Variants in ITGA2B observed in about 807,000 individuals in gnomAD.
ITGA2B encodes integrin subunit alpha 2b, also known as integrin alpha-IIb.
ITGA2B carries 91 observed loss-of-function variants against 142.0 expected under a neutral mutation model. That is an observed-to-expected ratio of 0.64 (90% CI 0.54 to 0.76). ITGA2B has a LOEUF of 0.76. ITGA2B is among the 30% of genes least tolerant of loss of function. The pLI, the probability that ITGA2B is intolerant of heterozygous loss-of-function variation, is 0.00. For missense variants in ITGA2B, 1,231 were observed against 1,350.8 expected (o/e 0.91, Z 1.39); for synonymous variants, 536 against 567.2 (o/e 0.94, Z 0.78).
At position 44,375,048 on chromosome 17, in the gene ITGA2B, GCTGC is replaced by G. The variant is rs1041303475; in HGVS notation, c.2787_2790del (p.Gln930GlyfsTer?). Reference sequence around the variant, plus strand: ...AAGGCCAGCACCGTGACCATGGCCCGCTGCCCGCGCGCCATCTCCTGCAGGTCAC... The same window carrying G: ...AAGGCCAGCACCGTGACCATGGCCCGCCGCGCGCCATCTCCTGCAGGTCAC... On this transcript the variant is annotated frameshift_variant, in exon 27 of 30. Coordinates refer to ENST00000262407, the MANE Select transcript of ITGA2B (RefSeq NM_000419.5). LOFTEE classifies it high-confidence loss of function. 2.1e-6 allele frequency: 3 copies of G among 1,431,660 alleles called. No individual in the cohort carries two copies. In the African/African-American group the frequency reaches 4.4e-5, roughly 21 times the overall value. The allele number at this position is 1,431,660 out of a possible 1,614,324, so 88.7% of individuals were successfully genotyped here.
At position 44,372,392 on chromosome 17, in the gene ITGA2B, A is replaced by G. The variant is rs762199184; in HGVS notation, c.3092T>C (p.Leu1031Pro). ...CTCCCCCTCTTCATCATCTTCTTCC[A>G]GGGGTGGCCGGTTCCGCTTGAAGAA... ...VGFFKRNRPP[L>P]EEDDEEGE The change falls in exon 30 of 30, where the codon CTG becomes CCG. Residue 1031 changes from leucine (L) to proline (P), a missense_variant. Coordinates refer to ENST00000262407, the MANE Select transcript of ITGA2B (RefSeq NM_000419.5). 3 of 1,613,986 alleles carry G rather than the reference A, an allele frequency of 1.9e-6. No individual in the cohort carries two copies. In the Admixed American group the frequency reaches 5.0e-5, roughly 27 times the overall value.
At position 44,388,260 on chromosome 17, in the gene ITGA2B, G is replaced by A. The variant is rs539998632; in HGVS notation, c.188+1026C>T. On this transcript the variant is annotated intron_variant, in intron 1 of 29. Coordinates refer to ENST00000262407, the MANE Select transcript of ITGA2B (RefSeq NM_000419.5). ...ATTTATAATGTTGATGGAGATGAGG[G>A]AAATGGAACAGAAATGCAAGGTGCG... Among the ~76,000 whole-genome samples the A allele has an allele frequency of 3.9e-5, 6 of 151,910 alleles. No homozygotes were observed. The South Asian group carries it at 1.3e-3, about 32-fold the overall frequency.
chr17:44,377,049 CT>C lies in ITGA2B; in HGVS notation c.2226del (p.Glu743ArgfsTer83). The C allele has an allele frequency of 6.3e-7, 1 of 1,592,952 alleles. No homozygotes were observed. The highest frequency in any genetic ancestry group is 8.5e-7 in the Non-Finnish European group (1 of 1,169,936). On this transcript the variant is annotated frameshift_variant, in exon 22 of 30. Transcript: ENST00000262407. LOFTEE classifies it high-confidence loss of function. ...IAMLVSVGNLEEAGESVSFQL... is the reference protein window; with the variant it reads ...IAMLVSVGNLXEAGESVSFQL... ...TGGAAGGACACAGACTCCCCAGCCT[CT>C]TCCAGATTCCCCACGCTCACCAACA...
intron 8 of ITGA2B, 36 bp from the exon 9 acceptor site, chr17:44,384,390 G>A (rs1437541604): frequency 6.2e-7 from 1 of 1,613,356 alleles, no homozygotes; most frequent in Admixed American, 1.7e-5. Flanking sequence ...GGGAATGAGA[G>A]CCTTAGAACC....
chr17:44,382,872 T>C (rs1004900697), intron 12 of ITGA2B, among the ~76,000 whole-genome samples: 5 of 152,092 alleles, frequency 3.3e-5, no homozygotes, highest in African/African-American at 1.2e-4. Flanking sequence ...TTCTCAGACT[T>C]ACCTCCTGTA....
Position 44,375,653 on chromosome 17 carries a change from G to A in ITGA2B, c.2665C>T (p.Arg889Cys), listed in dbSNP as rs1180067701. 3 of 1,612,198 alleles carry A rather than the reference G, an allele frequency of 1.9e-6. No individual in the cohort carries two copies. The highest frequency in any genetic ancestry group is 2.5e-6 in the Non-Finnish European group (3 of 1,179,432). ...GGCTCTGGCAGGAAGATCTGTCTGC[G>A]ATCCCGCTTGTGATGGGCCGGGTGA... is the stretch of plus-strand genomic sequence containing the variant. Reference protein sequence around the residue: ...PIHPAHHKRDRRQIFLPEPEQ... With the variant: ...PIHPAHHKRDCRQIFLPEPEQ... Residue 889 changes from arginine to cysteine, a missense_variant, in exon 26 of 30, where the codon CGC (arginine) becomes TGC (cysteine). Arg to Cys is a radical substitution (Grantham distance 180). Around this residue, in one of 3 missense-constraint regions of ITGA2B, gnomAD observed 908 missense variants for 1,021.1 expected, o/e 0.89. Transcript: ENST00000262407.
chr17:44,376,247 A>G (rs2048542917), intron 23 of ITGA2B, 61 bp downstream of exon 23: 8 of 1,613,592 alleles, frequency 5.0e-6, no homozygotes, highest in Non-Finnish European at 8.5e-7. Flanking sequence ...AGGTTTCCCC[A>G]GCGCCCCCTG....
chr17:44,385,136 G>C (rs1389501081), intron 6 of ITGA2B, 28 bp downstream of exon 6: 1 of 1,614,136 alleles, frequency 6.2e-7, no homozygotes, highest in East Asian at 2.2e-5. Flanking sequence ...CCGCGAGAAG[G>C]GAGGGAGGTG....
In ITGA2B at chr17:44,378,668, GCA is replaced by G. The variant is rs2143452404; in HGVS notation, c.1919_1920del (p.Val640AlafsTer20). ...VLDCGEDDVC[V>X]PQLQLTASVT... ...ACGCTGGCAGTGAGCTGAAGCTGGG[GCA>G]CACATACGTCATCTTCCCCACAGTC... On this transcript the variant is annotated frameshift_variant, in exon 19 of 30. Coordinates refer to ENST00000262407, the MANE Select transcript of ITGA2B (RefSeq NM_000419.5). LOFTEE classifies it high-confidence loss of function. The G allele has an allele frequency of 6.4e-7, 1 of 1,561,988 alleles. No homozygotes were observed. Among genetic ancestry groups the G allele is most frequent in the South Asian group, 1.2e-5 (1 of 84,774 alleles).
rs1351910139 is a variant in ITGA2B, at chr17:44,379,726, G to A, written c.1841C>T (p.Ala614Val). 6.2e-7 allele frequency: 1 copy of A among 1,613,926 alleles called. No individual in the cohort carries two copies. Reference sequence around the variant, plus strand: ...ATGGGTGTCTCCATGCAGCACGACAGCAGGGGCCATTCCAGCCTCCGTGGG... The same window carrying A: ...ATGGGTGTCTCCATGCAGCACGACAACAGGGGCCATTCCAGCCTCCGTGGG... ...LPPTEAGMAP[A>V]VVLHGDTHVQ... is the part of the protein sequence containing the mutation. Residue 614 changes from alanine to valine, a missense_variant, in exon 18 of 30, where the codon GCT (alanine) becomes GTT (valine). By Grantham distance (64) the Ala-to-Val change is moderately conservative. Around this residue, in one of 3 missense-constraint regions of ITGA2B, gnomAD observed 908 missense variants for 1,021.1 expected, o/e 0.89. Transcript: ENST00000262407.
chr17:44,375,273 T>C (rs2048530981), intron 26 of ITGA2B, 162 bp from the exon 27 acceptor site: 1 of 695,816 alleles, frequency 1.4e-6, no homozygotes, highest in Non-Finnish European at 2.5e-6. Context: ...ATGCTGTCTT[T>C]CCACGGGCTT....
chr17:44,379,588 A>C, intron 18 of ITGA2B, 101 bp downstream of exon 18: 1 of 1,574,748 alleles, frequency 6.4e-7, no homozygotes, highest in African/African-American at 1.3e-5. Context: ...TTGGAATGAC[A>C]TCAAGGTTTT....
Position 44,381,043 on chromosome 17 carries a change from G to C in ITGA2B, c.1229C>G (p.Pro410Arg), listed in dbSNP as rs773649547. 6.8e-6 allele frequency: 11 copies of C among 1,613,430 alleles called. No individual in the cohort carries two copies. The highest frequency in any genetic ancestry group is 9.3e-6 in the Non-Finnish European group (11 of 1,179,722). ...GCCCCGGCCACTGGGACCCCCGTAG[G>C]GGGCAGCCACTGCAATGTCTGGAAG... ...DGYNDIAVAA[P>R]YGGPSGRGQV... is the part of the protein sequence containing the mutation. The change falls in exon 13 of 30, where the codon CCC becomes CGC. Residue 410 changes from proline to arginine, a missense_variant. Pro to Arg is a moderately radical substitution (Grantham distance 103). Around this residue, in one of 3 missense-constraint regions of ITGA2B, gnomAD observed 908 missense variants for 1,021.1 expected, o/e 0.89. Transcript: ENST00000262407.
Position 44,375,892 on chromosome 17 carries a change from C to A in ITGA2B, c.2542G>T (p.Asp848Tyr). 3 of 1,610,424 alleles carry A rather than the reference C, an allele frequency of 1.9e-6. No individual in the cohort carries two copies. Among genetic ancestry groups the A allele is most frequent in the South Asian group, 1.1e-5 (1 of 90,228 alleles). ...TGAAGGCCCCCCTGGGGCTGTATAT[C>A]CAGGATGTAGAGCAGGTCGGAGGGC... ...SQPSDLLYIL[D>Y]IQPQGGLQCF... Residue 848 changes from aspartate to tyrosine, a missense_variant, in exon 25 of 30, where the codon GAT becomes TAT. Asp to Tyr is a radical substitution (Grantham distance 160). This residue lies in a region of ITGA2B where 908 missense variants were observed against 1,021.1 expected (regional missense o/e 0.89). Transcript: ENST00000262407.
intron 17 of ITGA2B, 36 bp downstream of exon 17, chr17:44,379,966 C>T: frequency 1.9e-6 from 3 of 1,613,000 alleles, no homozygotes; most frequent in Non-Finnish European, 2.5e-6. Flanking sequence ...GTAAGTTCTA[C>T]TCTCCCAGCC....
Position 44,380,958 on chromosome 17 carries a change from C to T in ITGA2B, c.1314G>A (p.Leu438=). 2 of 1,614,174 alleles carry T rather than the reference C, an allele frequency of 1.2e-6. No individual in the cohort carries two copies. Among genetic ancestry groups the T allele is most frequent in the Non-Finnish European group, 1.7e-6 (2 of 1,179,992 alleles). ...EGLRSRPSQV[L]DSPFPTGSAF... ...CAGAGCCTGTGGGGAAGGGGCTGTC[C>T]AGGACCTGGGAGGGACGTGACCTCA... The change falls in exon 13 of 30, where the codon CTG becomes CTA. Residue 438 remains leucine (L), a synonymous_variant. Transcript: ENST00000262407.
At chr17:44,375,277 C>T in intron 26 of ITGA2B, 166 bp from the exon 27 acceptor site, 1 of 688,626 alleles carries the variant, frequency 1.5e-6, no homozygotes, top group Middle Eastern at 3.8e-4. Flanking sequence ...TGTCTTTCCA[C>T]GGGCTTGCTC....
At chr17:44,373,425 C>T (rs995355750) in intron 29 of ITGA2B, among the ~76,000 whole-genome samples, 4 of 152,166 alleles carry the variant, frequency 2.6e-5, no homozygotes, top group African/African-American at 9.7e-5. Flanking sequence ...TGTGAGCCAC[C>T]ACGCCCAGCC....
chr17:44,380,948 A>C lies in ITGA2B; in HGVS notation c.1324T>G (p.Phe442Val), dbSNP rs921832398. Residue 442 changes from phenylalanine to valine, a missense_variant, in exon 13 of 30, where the codon TTC becomes GTC. Physicochemically the swap from Phe to Val is conservative, Grantham distance 50 (BLOSUM62 -1). Around this residue, in one of 3 missense-constraint regions of ITGA2B, gnomAD observed 908 missense variants for 1,021.1 expected, o/e 0.89. Transcript: ENST00000262407. The part of the protein sequence containing the change: ...SRPSQVLDSP[F>V]PTGSAFGFSL... ...AAGCCAAAGGCAGAGCCTGTGGGGA[A>C]GGGGCTGTCCAGGACCTGGGAGGGA... 6.2e-7 allele frequency: 1 copy of C among 1,614,236 alleles called. No homozygotes were observed. The highest frequency in any genetic ancestry group is 8.5e-7 in the Non-Finnish European group (1 of 1,180,022).
Sources: gnomAD v4.1 joint callset for allele counts (sites outside exome capture counted in the v4.1 genomes callset) on GRCh38, gnomAD v4.1.1 for gene constraint, gnomAD v4.1.1 regional missense constraint, MANE v1.5 for transcripts, NCBI Gene and HGNC (gene_info 2026-07-23, HGNC 2026-07-21) for gene names.